The following SLC36A1 variants were observed in gnomAD, a reference collection of about 807,000 sequenced individuals.
SLC36A1 encodes proton-coupled amino acid transporter 1.
Under a neutral mutation model 47.5 loss-of-function variants are expected in SLC36A1, and 30 were observed. The ratio of observed to expected loss-of-function variants is 0.63; its 90% CI spans 0.47 to 0.86. SLC36A1 has a LOEUF of 0.86. SLC36A1 is among the 40% of genes least tolerant of loss of function. The pLI, the probability that SLC36A1 is intolerant of heterozygous loss-of-function variation, is 0.00. For synonymous variants in SLC36A1, 255 were observed against 249.7 expected (o/e 1.02, Z -0.20); for missense variants, 517 against 606.0 (o/e 0.85, Z 1.54).
chr5:151,487,099 C>T (rs909578153), intron 10 of SLC36A1, among the ~76,000 whole-genome samples: 5 of 152,326 alleles, frequency 3.3e-5, no homozygotes, highest in Admixed American at 3.3e-4. Flanking sequence ...AGGATCTGAA[C>T]ACAAGAACCT....
chr5:151,464,418 A>T (rs1756026742), intron 3 of SLC36A1, 96 bp from the exon 4 acceptor site: 2 of 1,084,706 alleles, frequency 1.8e-6, no homozygotes, highest in Non-Finnish European at 1.4e-6. Flanking sequence ...CTGCCTTAGT[A>T]GCTTTTTAAT....
the SLC36A1 span, chr5:151,544,690 C>A: frequency 3.8e-5 from 62 of 1,613,980 alleles, 1 homozygote; most frequent in African/African-American, 7.1e-4. Context: ...TCCTCCATCC[C>A]GAGCAATGAC....
At chr5:151,388,795 G>A in the SLC36A1 span, among the ~76,000 whole-genome samples, 2 of 152,046 alleles carry the variant, frequency 1.3e-5, no homozygotes, top group South Asian at 2.1e-4. Flanking sequence ...GAAATAACTC[G>A]GCCTCTACCT....
the SLC36A1 span, among the ~76,000 whole-genome samples, chr5:151,424,071 G>A: frequency 8.5e-5 from 13 of 152,166 alleles, no homozygotes; most frequent in Non-Finnish European, 1.5e-4. Flanking sequence ...TGTACAAGTC[G>A]CCTCACATGA....
intron 10 of SLC36A1, among the ~76,000 whole-genome samples, chr5:151,487,657 A>G (rs557828829): frequency 6.6e-5 from 10 of 152,254 alleles, no homozygotes; most frequent in Admixed American, 2.0e-4. Context: ...CTCCTTGGGT[A>G]GAAACCAGAT....
the SLC36A1 span, chr5:151,510,065 G>T: frequency 1.2e-5 from 19 of 1,614,152 alleles, no homozygotes; most frequent in East Asian, 2.2e-5. Context: ...AAGCTCCTTT[G>T]GGGGAGAGGA....
chr5:151,394,605 A>G, the SLC36A1 span, among the ~76,000 whole-genome samples: 1 of 152,172 alleles, frequency 6.6e-6, no homozygotes. Flanking sequence ...TCTGTTTGTT[A>G]GCTTTCCTTC....
the SLC36A1 span, chr5:151,380,206 A>G: frequency 1.0e-4 from 20 of 195,694 alleles, no homozygotes; most frequent in Admixed American, 4.3e-4. Context: ...ATTGACATTA[A>G]AAGGATAATA....
the SLC36A1 span, among the ~76,000 whole-genome samples, chr5:151,428,678 A>C: frequency 6.6e-6 from 1 of 151,778 alleles, no homozygotes; most frequent in African/African-American, 2.4e-5. Context: ...TGTTGCCCAG[A>C]CTGGAGTGCA....
chr5:151,517,170 C>A, the SLC36A1 span, among the ~76,000 whole-genome samples: 2 of 151,860 alleles, frequency 1.3e-5, no homozygotes, highest in Non-Finnish European at 2.9e-5. Context: ...GTTAAAATCA[C>A]AGGCAGACTG....
downstream of SLC36A1, among the ~76,000 whole-genome samples, chr5:151,493,213 T>G (rs1451778467): frequency 1.3e-5 from 2 of 152,180 alleles, no homozygotes; most frequent in Admixed American, 6.5e-5. Context: ...ATTCTCTCAC[T>G]CAATACATTT....
At chr5:151,473,538 C>A in intron 7 of SLC36A1, 135 bp from the exon 8 acceptor site, 1 of 630,154 alleles carries the variant, frequency 1.6e-6, no homozygotes, top group South Asian at 2.0e-5. Flanking sequence ...AATCATCTGT[C>A]AGGTATTAGA....
At chr5:151,471,069 T>G (rs1757249737) in intron 7 of SLC36A1, 1 of 152,264 alleles carries the variant, frequency 6.6e-6, no homozygotes, top group South Asian at 2.1e-4. Flanking sequence ...AAAATACTGT[T>G]ATTATAATTG....
At chr5:151,370,922 G>A in the SLC36A1 span, among the ~76,000 whole-genome samples, 6,043 of 152,254 alleles carry the variant, frequency 0.04, 401 homozygotes, top group African/African-American at 0.14. Context: ...GGACCCGGGA[G>A]ACGGAGGTTG....
chr5:151,555,854 T>G, the SLC36A1 span, among the ~76,000 whole-genome samples: 1 of 152,184 alleles, frequency 6.6e-6, no homozygotes, highest in East Asian at 1.9e-4. Flanking sequence ...TCTGCTTCTC[T>G]TCTGATTTCA....
At chr5:151,499,355 G>A in the SLC36A1 span, among the ~76,000 whole-genome samples, 1 of 152,188 alleles carries the variant, frequency 6.6e-6, no homozygotes, top group Non-Finnish European at 1.5e-5. Context: ...CAGCACCTGG[G>A]TCTGGCACCC....
the SLC36A1 span, chr5:151,517,771 A>G: frequency 6.2e-7 from 1 of 1,613,888 alleles, no homozygotes; most frequent in Middle Eastern, 1.7e-4. Context: ...AGTACCTGAG[A>G]AAGCAACCAA....
the SLC36A1 span, chr5:151,550,912 AG>A: frequency 3.3e-5 from 52 of 1,591,970 alleles, no homozygotes; most frequent in Non-Finnish European, 4.5e-5. Context: ...TGCAAGCCCC[AG>A]GGGAACAGGG....
At chr5:151,509,847 C>T in the SLC36A1 span, 1 of 673,964 alleles carries the variant, frequency 1.5e-6, no homozygotes, top group African/African-American at 1.8e-5. Flanking sequence ...TTCCATGAAA[C>T]CGGTCCCTGG....
Sources: gnomAD v4.1 joint callset for allele counts (sites outside exome capture counted in the v4.1 genomes callset) on GRCh38, gnomAD v4.1.1 for gene constraint, MANE v1.5 for transcripts, NCBI Gene and HGNC (gene_info 2026-07-23, HGNC 2026-07-21) for gene names.